AR: variants seen among roughly 807,000 people sequenced by gnomAD.
AR encodes the protein dihydrotestosterone receptor.
Under a neutral mutation model 53.9 loss-of-function variants are expected in AR, and 8 were observed. That is an observed-to-expected ratio of 0.15 (90% CI 0.09 to 0.27). The LOEUF is 0.27. AR is among the 10% of genes least tolerant of loss of function. The pLI is 1.00. For synonymous variants in AR, 359 were observed against 316.4 expected, an observed-to-expected ratio of 1.13 and a Z score of -1.43; for missense variants, 639 against 742.5, an observed-to-expected ratio of 0.86 and a Z score of 1.62.
At position 67,724,290 on chromosome X, in the gene AR, C is replaced by G. The variant is rs1282810003; in HGVS notation, c.*449C>G. 5.8e-6 allele frequency: 1 copy of G among 173,514 alleles called. No homozygotes were observed. The highest frequency in any genetic ancestry group is 8.1e-5 in the East Asian group (1 of 12,363). 14.3% of individuals were successfully genotyped at this position (173,514 alleles called of 1,213,427 possible). A position where few individuals can be genotyped will look rare whatever the true frequency, so the allele number is the denominator to read the frequency against. The stretch of plus-strand genomic sequence containing the variant: ...AAAACAAGCAAACAAAAAAAAAAAG[C>G]AAAAACAAAACAAAAAATAAGCCAA... On this transcript the variant is annotated 3_prime_UTR_variant, in exon 8 of 8. Transcript: ENST00000374690.
intron 1 of AR, among the ~76,000 whole-genome samples, chrX:67,621,770 T>G (rs1222398962): frequency 1.8e-5 from 2 of 111,652 alleles, no homozygotes; most frequent in East Asian, 5.7e-4. Flanking sequence ...TACAGAATGT[T>G]GAGAGGAGCA....
At chrX:67,703,391 T>C (rs1331165557) in intron 3 of AR, among the ~76,000 whole-genome samples, 1 of 111,964 alleles carries the variant, frequency 8.9e-6, no homozygotes, top group Non-Finnish European at 1.9e-5. Context: ...GACCTCTAAA[T>C]TGTGTGTGTG....
intron 3 of AR, chrX:67,695,793 C>T (rs2076017691): frequency 1.4e-6 from 1 of 740,674 alleles, no homozygotes; most frequent in South Asian, 7.1e-5. Flanking sequence ...TCTCTCCCCC[C>T]CCAACACACA....
intron 3 of AR, among the ~76,000 whole-genome samples, chrX:67,701,492 C>T (rs778576970): frequency 8.9e-6 from 1 of 111,798 alleles, no homozygotes; most frequent in African/African-American, 3.2e-5. Context: ...TAACTAACGT[C>T]GAAAGTCCCA....
rs958569232 is a variant in AR at position 67,725,342 on chromosome X, T to C, written c.*1501T>C. 2.3e-5 allele frequency: 4 copies of C among 174,086 alleles called. No individual in the cohort carries two copies. The highest frequency in any genetic ancestry group is 1.2e-4 in the African/African-American group (4 of 33,908). 14.3% of individuals were successfully genotyped at this position (174,086 alleles called of 1,213,427 possible). ...AAGGCATCAAAGGGATCAGGCAAGC[T>C]GGGCGTCTTGCCCTTGTCCCCCAGA... On this transcript the variant is annotated 3_prime_UTR_variant, in exon 8 of 8. Coordinates refer to ENST00000374690, the MANE Select transcript of AR (RefSeq NM_000044.6).
intron 1 of AR, among the ~76,000 whole-genome samples, chrX:67,629,207 G>T (rs1924902623): frequency 9.2e-6 from 1 of 108,636 alleles, no homozygotes; most frequent in Non-Finnish European, 1.9e-5. Context: ...GTTTCAGAAG[G>T]AATGGTACCA....
At chrX:67,685,791 C>T (rs766476482) in intron 2 of AR, 171 of 460,077 alleles carry the variant, frequency 3.7e-4, no homozygotes, top group Non-Finnish European at 5.6e-4. Context: ...ATTGTTCATC[C>T]CTAAAAAAAA....
chrX:67,634,642 G>A (rs1161923996), intron 1 of AR, among the ~76,000 whole-genome samples: 3 of 111,451 alleles, frequency 2.7e-5, no homozygotes, highest in Admixed American at 1.9e-4. Context: ...TGCTGCCCTC[G>A]TGAATGAACA....
intron 6 of AR, 102 bp downstream of exon 6, chrX:67,722,065 A>T (rs2147536535): frequency 1.0e-6 from 1 of 986,196 alleles, no homozygotes; most frequent in Non-Finnish European, 1.4e-6. Flanking sequence ...CAGCTCCTGG[A>T]CATTTCCCTT....
intron 5 of AR, among the ~76,000 whole-genome samples, chrX:67,720,879 TACACACACACAC>T (rs113739371): frequency 3.0e-5 from 3 of 100,780 alleles, no homozygotes; most frequent in Non-Finnish European, 4.1e-5. Flanking sequence ...ATTTCTGTCT[TACACACACACAC>T]ACACACACAC....
chrX:67,626,610 TTATA>T (rs201252311), intron 1 of AR, among the ~76,000 whole-genome samples: 17 of 85,086 alleles, frequency 2.0e-4, no homozygotes, highest in East Asian at 7.4e-4. Flanking sequence ...CCGACTAATT[TTATA>T]TATATATATA....
In AR at chrX:67,726,621, A is replaced by G. The variant is rs779145524; in HGVS notation, c.*2780A>G. 5 of 174,659 alleles carry G rather than the reference A, an allele frequency of 2.9e-5. No homozygotes were observed. Among genetic ancestry groups the G allele is most frequent in the African/African-American group, 1.5e-4 (5 of 34,122 alleles). 14.4% of individuals were successfully genotyped at this position (174,659 alleles called of 1,213,427 possible). ...GATTACTCCAAATTTCCAAATGACA[A>G]AACTAGGGAAAAATAGCCTACACAA... On this transcript the variant is annotated 3_prime_UTR_variant, in exon 8 of 8. Transcript: ENST00000374690.
intron 1 of AR, among the ~76,000 whole-genome samples, chrX:67,635,089 C>A (rs141374794): frequency 0.045 from 4,849 of 107,967 alleles, 137 homozygotes; most frequent in Non-Finnish European, 0.072. Flanking sequence ...AAAAGCTCTG[C>A]ATAGCCAAGA....
chrX:67,612,140 G>A (rs1325830035), intron 1 of AR, among the ~76,000 whole-genome samples: 1 of 112,403 alleles, frequency 8.9e-6, no homozygotes, highest in Admixed American at 9.4e-5. Context: ...TGTGAAATGT[G>A]TATTTACCTT....
intron 3 of AR, chrX:67,689,729 A>C (rs2075985651): frequency 1.2e-6 from 1 of 833,882 alleles, no homozygotes; most frequent in Non-Finnish European, 1.5e-6. Flanking sequence ...TGCTTGACGA[A>C]TTTAAATCCC....
At chrX:67,693,477 A>T (rs997037257) in intron 3 of AR, among the ~76,000 whole-genome samples, 7 of 112,638 alleles carry the variant, frequency 6.2e-5, no homozygotes, top group Non-Finnish European at 1.1e-4. Context: ...TTTATTATTT[A>T]AAAAGAGTGT....
At chrX:67,575,198 C>G (rs1208032301) in intron 1 of AR, among the ~76,000 whole-genome samples, 1 of 110,866 alleles carries the variant, frequency 9.0e-6, no homozygotes, top group East Asian at 2.9e-4. Context: ...ATTTGTAATT[C>G]ATTTTTAAAA....
In AR at chrX:67,544,526, G is replaced by A. The variant is rs907992383; in HGVS notation, c.-621G>A. 14 of 159,037 alleles carry A rather than the reference G, an allele frequency of 8.8e-5. No homozygotes were observed. The highest frequency in any genetic ancestry group is 1.5e-4 in the Non-Finnish European group (13 of 85,326). 13.1% of individuals were successfully genotyped at this position (159,037 alleles called of 1,213,427 possible). The stretch of plus-strand genomic sequence containing the variant: ...GGTAACTCCCTTTGGCTGCGAGCGG[G>A]CGAGCTAGCTGCACATTGCAAAGAA... On this transcript the variant is annotated 5_prime_UTR_variant, in exon 1 of 8. Coordinates refer to ENST00000374690, the MANE Select transcript of AR (RefSeq NM_000044.6).
intron 1 of AR, among the ~76,000 whole-genome samples, chrX:67,634,381 G>A (rs1391210538): frequency 9.0e-6 from 1 of 111,575 alleles, no homozygotes; most frequent in Non-Finnish European, 1.9e-5. Flanking sequence ...GTGGTGTGGG[G>A]CTGCTTTACC....
Sources: gnomAD v4.1 joint callset for allele counts (sites outside exome capture counted in the v4.1 genomes callset) on GRCh38, gnomAD v4.1.1 for gene constraint, MANE v1.5 for transcripts, NCBI Gene and HGNC (gene_info 2026-07-23, HGNC 2026-07-21) for gene names.